The following CASK variants were observed in gnomAD, a reference collection of about 807,000 sequenced individuals.
CASK encodes the protein calcium/calmodulin dependent serine protein kinase, also known as peripheral plasma membrane protein CASK.
CASK carries 4 observed loss-of-function variants against 82.9 expected under a neutral mutation model. The ratio of observed to expected loss-of-function variants is 0.05; its 90% CI spans 0.02 to 0.11. The LOEUF is 0.11. Among genes scored for constraint, CASK ranks in the 10% least tolerant of loss-of-function variants. The pLI, the probability that CASK is intolerant of heterozygous loss-of-function variation, is 1.00. For missense variants in CASK, 358 were observed against 720.9 expected, an observed-to-expected ratio of 0.50 and a Z score of 5.76; for synonymous variants, 259 against 253.5, an observed-to-expected ratio of 1.02 and a Z score of -0.20.
chrX:41,662,141 G>A (rs2067044293), intron 7 of CASK, among the ~76,000 whole-genome samples: 1 of 111,059 alleles, frequency 9.0e-6, no homozygotes, highest in Admixed American at 9.6e-5. Flanking sequence ...CTATACGGGG[G>A]AACAAAATAA....
At chrX:41,673,489 A>G (rs1239993754) in intron 5 of CASK, among the ~76,000 whole-genome samples, 2 of 111,847 alleles carry the variant, frequency 1.8e-5, no homozygotes, top group Admixed American at 1.9e-4. Flanking sequence ...GCCAGGTAGT[A>G]TTACTTGTTA....
chrX:41,821,690 G>A (rs750457331), intron 2 of CASK, among the ~76,000 whole-genome samples: 1 of 112,366 alleles, frequency 8.9e-6, no homozygotes, highest in South Asian at 3.7e-4. Flanking sequence ...TGCATGAAAT[G>A]GAACATTACT....
intron 7 of CASK, 54 bp downstream of exon 7, chrX:41,665,223 T>A (rs1185275970): frequency 2.5e-5 from 26 of 1,058,808 alleles, no homozygotes; most frequent in Non-Finnish European, 3.4e-5. Context: ...CAAAAAAACA[T>A]TTTTCAGGAT....
At chrX:41,590,715 C>T (rs1403548845) in intron 12 of CASK, among the ~76,000 whole-genome samples, 1 of 110,258 alleles carries the variant, frequency 9.1e-6, no homozygotes, top group African/African-American at 3.3e-5. Context: ...ATGACCTCGG[C>T]TGTTGTGAAC....
intron 15 of CASK, among the ~76,000 whole-genome samples, chrX:41,577,753 C>T (rs918382813): frequency 6.3e-5 from 7 of 111,482 alleles, no homozygotes; most frequent in African/African-American, 1.3e-4. Context: ...TCTCAGTCTA[C>T]GAGAATTCTA....
chrX:41,555,953 T>C (rs1165556097), intron 19 of CASK: 7 of 194,571 alleles, frequency 3.6e-5, no homozygotes, highest in African/African-American at 1.8e-4. Flanking sequence ...TAAAAGGAGC[T>C]GTTGCCCTTT....
At chrX:41,529,937 T>A (rs1353083870) in intron 25 of CASK, among the ~76,000 whole-genome samples, 1 of 111,708 alleles carries the variant, frequency 9.0e-6, no homozygotes, top group African/African-American at 3.3e-5. Context: ...TCTGGCTATA[T>A]AGGTTCTGTC....
chrX:41,623,840 C>T (rs1255387956), intron 10 of CASK, among the ~76,000 whole-genome samples: 1 of 111,540 alleles, frequency 9.0e-6, no homozygotes, highest in Non-Finnish European at 1.9e-5. Context: ...TCCCTAGTAG[C>T]TGGGACCACA....
At chrX:41,807,661 G>T (rs2070151082) in intron 2 of CASK, among the ~76,000 whole-genome samples, 1 of 110,786 alleles carries the variant, frequency 9.0e-6, no homozygotes, top group African/African-American at 3.3e-5. Context: ...CAAGAGCATG[G>T]CATGAGCATC....
chrX:41,530,860 C>A (rs2064792156), intron 25 of CASK, 147 bp downstream of exon 25: 2 of 535,411 alleles, frequency 3.7e-6, no homozygotes, highest in Admixed American at 5.3e-5. Context: ...AGACTGTGAA[C>A]CCCCAACGCC....
intron 5 of CASK, chrX:41,676,021 C>CT: frequency 8.3e-7 from 1 of 1,207,457 alleles, no homozygotes; most frequent in Non-Finnish European, 1.1e-6. Context: ...GTTGCATTTC[C>CT]TTTTTGCTGA....
rs142571412 is a variant in CASK, at chrX:41,785,916, A to G, written c.278+1262T>C. ...AGACTGTGACTTCTGTCTTGCTCAT[A>G]CTCTCACTTGTCCTCTTGCTTGCTC... is the stretch of plus-strand genomic sequence containing the variant. On this transcript the variant is annotated intron_variant, in intron 3 of 26. Transcript: ENST00000378163. Among the ~76,000 whole-genome samples the G allele has an allele frequency of 3.6e-3, 404 of 110,928 alleles. 2 individuals are homozygous for G. Among genetic ancestry groups the G allele is most frequent in the African/African-American group, 0.013 (395 of 30,468 alleles).
chrX:41,682,732 C>T (rs1486118107), intron 5 of CASK, among the ~76,000 whole-genome samples: 1 of 107,489 alleles, frequency 9.3e-6, no homozygotes, highest in Non-Finnish European at 1.9e-5. Flanking sequence ...CTGCCTCAGT[C>T]TCCAGAGAAG....
chrX:41,717,090 C>A (rs1297864684), intron 5 of CASK, among the ~76,000 whole-genome samples: 1 of 110,720 alleles, frequency 9.0e-6, no homozygotes, highest in Non-Finnish European at 1.9e-5. Flanking sequence ...GCCAGTGTAA[C>A]CCCCTCCCTG....
chrX:41,859,849 AG>A (rs905984517), intron 1 of CASK, among the ~76,000 whole-genome samples: 19 of 111,452 alleles, frequency 1.7e-4, no homozygotes, highest in African/African-American at 5.2e-4. Context: ...TTGTGACCAG[AG>A]GTTTGAAGGA....
chrX:41,783,201 A>T (rs1338604395), intron 3 of CASK, among the ~76,000 whole-genome samples: 3 of 112,364 alleles, frequency 2.7e-5, no homozygotes, highest in Admixed American at 1.9e-4. Flanking sequence ...CTCAGAAAAT[A>T]AACATACAGA....
At chrX:41,792,924 A>G (rs1032455615) in intron 2 of CASK, among the ~76,000 whole-genome samples, 1 of 111,649 alleles carries the variant, frequency 9.0e-6, no homozygotes, top group Non-Finnish European at 1.9e-5. Context: ...GTGCCACTCT[A>G]GATAAGTTGA....
chrX:41,922,994 G>A lies in CASK; in HGVS notation c.-6C>T, dbSNP rs200206294. On this transcript the variant is annotated 5_prime_UTR_variant, in exon 1 of 27. Transcript: ENST00000378163. ...AGCACGTCGTCGTCGGCCATGGTCC[G>A]GAGGGGATAGCGGCCGCAGCGTGGA... The A allele has an allele frequency of 1.9e-5, 23 of 1,207,450 alleles. No homozygotes were observed. The highest frequency in any genetic ancestry group is 5.3e-5 in the South Asian group (3 of 56,742).
intron 9 of CASK, among the ~76,000 whole-genome samples, chrX:41,633,147 A>G (rs1392988584): frequency 9.0e-6 from 1 of 110,813 alleles, no homozygotes; most frequent in Non-Finnish European, 1.9e-5. Flanking sequence ...TATCCTCTTA[A>G]CTGAATCACG....
Sources: gnomAD v4.1 joint callset for allele counts (sites outside exome capture counted in the v4.1 genomes callset) on GRCh38, gnomAD v4.1.1 for gene constraint, MANE v1.5 for transcripts, NCBI Gene and HGNC (gene_info 2026-07-23, HGNC 2026-07-21) for gene names.